Variants in ACACA observed in about 807,000 individuals in gnomAD.
ACACA encodes the protein acetyl-CoA carboxylase 1.
In ACACA, 103 loss-of-function variants were observed where a neutral mutation model predicts 296.1. The ratio of observed to expected loss-of-function variants is 0.35; its 90% CI spans 0.30 to 0.41. ACACA has a LOEUF of 0.41. Ranked by LOEUF, ACACA falls within the 10% of genes least tolerant of loss-of-function variation. The probability of loss-of-function intolerance (pLI) is 1.00; values close to 1 mark genes in which losing one functional copy is unlikely to be tolerated. For missense variants in ACACA, 1,554 were observed against 2,989.7 expected, an observed-to-expected ratio of 0.52 and a Z score of 11.20; for synonymous variants, 953 against 1,038.6, an observed-to-expected ratio of 0.92 and a Z score of 1.58.
At chr17:37,274,094 C>G in intron 9 of ACACA, 99 bp downstream of exon 9, 1 of 991,838 alleles carries the variant, frequency 1.0e-6, no homozygotes, top group South Asian at 1.3e-5. Context: ...ATCCCTAACA[C>G]CACCTTGGGT....
At chr17:37,165,092 T>C (rs1048478255) in intron 41 of ACACA, among the ~76,000 whole-genome samples, 2 of 152,054 alleles carry the variant, frequency 1.3e-5, no homozygotes, top group African/African-American at 4.8e-5. Context: ...CTTTCCAAAG[T>C]ATGTTGCTCA....
At chr17:37,236,661 C>T (rs1567860579) in intron 24 of ACACA, among the ~76,000 whole-genome samples, 5 of 152,030 alleles carry the variant, frequency 3.3e-5, no homozygotes, top group African/African-American at 9.7e-5. Flanking sequence ...CCCATCTCTA[C>T]TAAAAATACA....
At chr17:37,171,803 C>T (rs1467074106) in intron 41 of ACACA, among the ~76,000 whole-genome samples, 3 of 152,158 alleles carry the variant, frequency 2.0e-5, no homozygotes, top group Non-Finnish European at 4.4e-5. Context: ...CATGAAACCA[C>T]AGTAATTTTA....
intron 4 of ACACA, among the ~76,000 whole-genome samples, chr17:37,283,808 G>A (rs556503313): frequency 6.6e-6 from 1 of 152,212 alleles, no homozygotes; most frequent in South Asian, 2.1e-4. Flanking sequence ...AATAAAATGA[G>A]GTACAGAGCA....
Position 37,125,655 on chromosome 17 carries a change from T to C in ACACA, c.6041+43A>G, listed in dbSNP as rs751698907. Reference sequence around the variant, plus strand: ...GCCATGGCTCTTTCTTTCTTATTTTTAGTTGGGAGGAAAAAGAGCTGCCAA... The same window carrying C: ...GCCATGGCTCTTTCTTTCTTATTTTCAGTTGGGAGGAAAAAGAGCTGCCAA... On this transcript the variant is annotated intron_variant, in intron 48 of 55. Coordinates refer to ENST00000616317, the MANE Select transcript of ACACA (RefSeq NM_198834.3). 2.7e-6 allele frequency: 4 copies of C among 1,483,956 alleles called. No individual in the cohort carries two copies. The African/African-American group carries it at 4.2e-5, about 15-fold the overall frequency. 91.9% of individuals were successfully genotyped at this position (1,483,956 alleles called of 1,614,324 possible).
chr17:37,338,148 T>A (rs982364155), intron 2 of ACACA, among the ~76,000 whole-genome samples: 1 of 132,974 alleles, frequency 7.5e-6, no homozygotes, highest in African/African-American at 2.8e-5. Context: ...AAAACTAGAA[T>A]CAAATATAAA....
In ACACA at chr17:37,370,384, C is replaced by T. The variant is rs529607515; in HGVS notation, c.39-30534G>A. 5.3e-4 allele frequency among the ~76,000 whole-genome samples: 80 copies of T among 150,802 alleles called. 1 individual carries two copies. Among genetic ancestry groups the T allele is most frequent in the Admixed American group, 3.9e-3 (59 of 15,048 alleles). ...TTTCCAGCCCAGACGCGGTGGCTCA[C>T]GCCTGTAATCCTAGCACTTTGGGAG... On this transcript the variant is annotated intron_variant, in intron 1 of 55. Coordinates refer to ENST00000616317, the MANE Select transcript of ACACA (RefSeq NM_198834.3).
chr17:37,128,030 A>AAAAC (rs2074896655), intron 47 of ACACA, among the ~76,000 whole-genome samples: 1 of 146,030 alleles, frequency 6.8e-6, no homozygotes, highest in Non-Finnish European at 1.5e-5. Context: ...ATCTCAAAAA[A>AAAAC]AAAAAAAAAA....
intron 50 of ACACA, among the ~76,000 whole-genome samples, chr17:37,121,058 T>A (rs544716008): frequency 3.3e-5 from 5 of 152,096 alleles, no homozygotes; most frequent in Admixed American, 1.3e-4. Context: ...AGAGTCACAA[T>A]CATATTTCCC....
chr17:37,112,011 G>A (rs1285993595), intron 51 of ACACA, among the ~76,000 whole-genome samples: 3 of 151,570 alleles, frequency 2.0e-5, no homozygotes, highest in Non-Finnish European at 4.4e-5. Flanking sequence ...CCTCCATCAC[G>A]TAGGATGTAC....
intron 1 of ACACA, chr17:37,391,699 C>T (rs1568098342): frequency 1.9e-6 from 3 of 1,613,862 alleles, no homozygotes; most frequent in Admixed American, 1.7e-5. Flanking sequence ...GCAGAGATCA[C>T]TGTTATCCAC....
rs754175673 is a variant in ACACA at position 37,275,943 on chromosome 17, G to T, written c.901+8C>A. On this transcript the variant is annotated splice_region_variant and intron_variant, in intron 8 of 55. Transcript: ENST00000616317. Reference sequence around the variant, plus strand: ...ACTTCAAGATACAAACAAGAATTCAGTTCTTACCACTGCCGCTCCAGGGAA... The same window carrying T: ...ACTTCAAGATACAAACAAGAATTCATTTCTTACCACTGCCGCTCCAGGGAA... 1 of 1,611,136 alleles carries T rather than the reference G, an allele frequency of 6.2e-7. No homozygotes were observed. Among genetic ancestry groups the T allele is most frequent in the African/African-American group, 1.3e-5 (1 of 74,880 alleles).
intron 45 of ACACA, among the ~76,000 whole-genome samples, chr17:37,136,834 T>C (rs1336734959): frequency 6.6e-6 from 1 of 151,864 alleles, no homozygotes; most frequent in African/African-American, 2.4e-5. Flanking sequence ...CCCTAGCTAC[T>C]TGGGAGGCTG....
rs199559980 is a variant in ACACA, at chr17:37,351,796, T to TC, written c.39-11947dup. 4.2e-3 allele frequency among the ~76,000 whole-genome samples: 638 copies of TC among 152,224 alleles called. 10 individuals are homozygous for TC. In the East Asian group the frequency reaches 0.047, roughly 11 times the overall value. On this transcript the variant is annotated intron_variant, in intron 1 of 55. Coordinates refer to ENST00000616317, the MANE Select transcript of ACACA (RefSeq NM_198834.3). ...TTGTACTGCTGGCCTCAAGCAATCC[T>TC]CCCATCTTGGCCTCCCAAAGTGCTA... is the stretch of plus-strand genomic sequence containing the variant.
At chr17:37,220,847 G>T (rs1029510980) in intron 29 of ACACA, among the ~76,000 whole-genome samples, 2 of 152,130 alleles carry the variant, frequency 1.3e-5, no homozygotes, top group African/African-American at 4.8e-5. Context: ...ACCATTTCTG[G>T]TGTCTATAAC....
At chr17:37,156,053 C>CTTTTTTTTTTTTTTTTTTTTTTTTTTTT (rs60787242) in intron 42 of ACACA, among the ~76,000 whole-genome samples, 18 of 94,008 alleles carry the variant, frequency 1.9e-4, no homozygotes, top group African/African-American at 2.6e-4. Context: ...TTCTTTCTTT[C>CTTTTTTTTTTTTTTTTTTTTTTTTTTTT]TTTTTTTTTT....
intron 1 of ACACA, among the ~76,000 whole-genome samples, chr17:37,357,851 A>T (rs2049212693): frequency 6.6e-6 from 1 of 152,174 alleles, no homozygotes; most frequent in African/African-American, 2.4e-5. Flanking sequence ...AGAAGGGACA[A>T]ATATGAGTAT....
chr17:37,283,118 C>T, intron 5 of ACACA, 149 bp downstream of exon 5: 1 of 947,542 alleles, frequency 1.1e-6, no homozygotes, highest in Non-Finnish European at 1.6e-6. Context: ...CTATTACTGA[C>T]ACATTTTAAA....
At chr17:37,121,284 T>A (rs1002697770) in intron 50 of ACACA, 71 bp downstream of exon 50, 1 of 1,607,142 alleles carries the variant, frequency 6.2e-7, no homozygotes, top group Admixed American at 1.7e-5. Context: ...CTGCTGAATC[T>A]ATACCCTCCC....
Sources: allele counts gnomAD v4.1 joint callset (sites outside exome capture counted in the v4.1 genomes callset), GRCh38; gene constraint gnomAD v4.1.1; transcripts MANE v1.5; gene names NCBI Gene and HGNC (gene_info 2026-07-23, HGNC 2026-07-21).